Variants in RSBN1L observed in about 807,000 individuals in gnomAD.
The protein encoded by RSBN1L is lysine-specific demethylase RSBN1L.
RSBN1L carries 30 observed loss-of-function variants against 67.7 expected under a neutral mutation model. The observed-to-expected ratio is 0.44, with a 90% CI of 0.33 to 0.60. The LOEUF (loss-of-function observed/expected upper bound fraction) is 0.60, where lower values mean the gene tolerates loss of function less well. Among genes scored for constraint, RSBN1L ranks in the 20% least tolerant of loss-of-function variants. The pLI is 0.02. For missense variants in RSBN1L, 992 were observed against 1,031.7 expected, an observed-to-expected ratio of 0.96 and a Z score of 0.53; for synonymous variants, 433 against 387.0, an observed-to-expected ratio of 1.12 and a Z score of -1.39.
At chr7:77,768,407 T>A (rs892486346) in intron 4 of RSBN1L, 1 of 343,330 alleles carries the variant, frequency 2.9e-6, no homozygotes, top group Non-Finnish European at 5.4e-6. Context: ...ATGATGAATA[T>A]AGTGAATCAT....
intron 1 of RSBN1L, among the ~76,000 whole-genome samples, chr7:77,733,057 G>A (rs1483144241): frequency 6.6e-6 from 1 of 152,178 alleles, no homozygotes; most frequent in Non-Finnish European, 1.5e-5. Context: ...ATTTTGAGGG[G>A]CTGAGGCAGG....
intron 2 of RSBN1L, among the ~76,000 whole-genome samples, chr7:77,738,395 A>C (rs1360202556): frequency 8.5e-5 from 13 of 152,236 alleles, no homozygotes; most frequent in Admixed American, 8.5e-4. Context: ...GTGATGATTA[A>C]GGTAAAAGAA....
intron 2 of RSBN1L, among the ~76,000 whole-genome samples, chr7:77,748,847 ATATG>A (rs746161967): frequency 2.6e-5 from 4 of 152,260 alleles, no homozygotes; most frequent in Admixed American, 6.5e-5. Context: ...AGCATTTGCT[ATATG>A]TCAGAATGGT....
rs750541557 is a variant in RSBN1L at position 77,779,816 on chromosome 7, CTT to C, written c.*661_*662del. Reference sequence around the variant, plus strand: ...ATTTAAGTTCCTCACACTGTGCAGGCTTTTTTTTTTTTTTCTTTTTTTCTTTT... The same window carrying C: ...ATTTAAGTTCCTCACACTGTGCAGGCTTTTTTTTTTTTCTTTTTTTCTTTT... On this transcript the variant is annotated 3_prime_UTR_variant, in exon 8 of 8. Transcript: ENST00000334955. 3.0e-5 allele frequency: 4 copies of C among 132,958 alleles called. No individual in the cohort carries two copies. Among genetic ancestry groups the C allele is most frequent in the Non-Finnish European group, 1.6e-5 (1 of 61,274 alleles). 8.2% of individuals were successfully genotyped at this position (132,958 alleles called of 1,614,324 possible). A position where few individuals can be genotyped will look rare whatever the true frequency, so the allele number is the denominator to read the frequency against.
chr7:77,740,602 T>C (rs1791395631), intron 2 of RSBN1L, among the ~76,000 whole-genome samples: 1 of 152,230 alleles, frequency 6.6e-6, no homozygotes, highest in Non-Finnish European at 1.5e-5. Flanking sequence ...GAGAGAAAGA[T>C]AGATATAAAT....
chr7:77,707,265 C>G (rs1426821921), intron 1 of RSBN1L, among the ~76,000 whole-genome samples: 2 of 152,114 alleles, frequency 1.3e-5, no homozygotes, highest in Non-Finnish European at 2.9e-5. Context: ...CTCAAGTGAT[C>G]CATCTGCCTT....
intron 2 of RSBN1L, among the ~76,000 whole-genome samples, chr7:77,739,251 C>A (rs149697538): frequency 6.6e-6 from 1 of 152,194 alleles, no homozygotes; most frequent in Non-Finnish European, 1.5e-5. Flanking sequence ...CCACTTTTTT[C>A]CTTGTGGCCT....
At chr7:77,731,416 AG>A (rs1390598026) in intron 1 of RSBN1L, among the ~76,000 whole-genome samples, 2 of 152,006 alleles carry the variant, frequency 1.3e-5, no homozygotes, top group African/African-American at 2.4e-5. Context: ...TTGTACTTTT[AG>A]TAGAGACAGG....
intron 2 of RSBN1L, among the ~76,000 whole-genome samples, chr7:77,741,126 A>G (rs1283309650): frequency 6.6e-6 from 1 of 151,172 alleles, no homozygotes; most frequent in East Asian, 2.0e-4. Context: ...AGCTGGAACT[A>G]CAGGCGTGCG....
At chr7:77,739,895 G>A (rs892352593) in intron 2 of RSBN1L, among the ~76,000 whole-genome samples, 6 of 149,580 alleles carry the variant, frequency 4.0e-5, no homozygotes, top group Admixed American at 1.3e-4. Context: ...GATTACAGCC[G>A]CACGCCGCCA....
chr7:77,696,596 A>G lies in RSBN1L; in HGVS notation c.127A>G (p.Lys43Glu). The G allele has an allele frequency of 6.2e-7, 1 of 1,614,014 alleles. No individual in the cohort carries two copies. Among genetic ancestry groups the G allele is most frequent in the Admixed American group, 1.7e-5 (1 of 60,020 alleles). ...GGACCCTCCGGGTTCTCTGTCCGCC[A>G]AGAAGGTCCGGACTGAGGAGAAGAA... ...SRDPPGSLSA[K>E]KVRTEEKKAP... is the part of the protein sequence containing the mutation. Residue 43 changes from lysine (K) to glutamate (E), a missense_variant, in exon 1 of 8, where the codon AAG becomes GAG. Lys to Glu is a moderately conservative substitution (Grantham distance 56, BLOSUM62 1). Coordinates refer to ENST00000334955, the MANE Select transcript of RSBN1L (RefSeq NM_198467.3).
At chr7:77,725,571 T>C (rs1033461264) in intron 1 of RSBN1L, among the ~76,000 whole-genome samples, 19 of 151,254 alleles carry the variant, frequency 1.3e-4, no homozygotes, top group Non-Finnish European at 2.5e-4. Context: ...TTAAGTGTTC[T>C]GTGCATTTAC....
At chr7:77,744,340 G>C (rs1431540841) in intron 2 of RSBN1L, among the ~76,000 whole-genome samples, 3 of 147,242 alleles carry the variant, frequency 2.0e-5, no homozygotes, top group Non-Finnish European at 4.5e-5. Flanking sequence ...CTGGCCTACT[G>C]TTTGACTTTT....
chr7:77,745,896 G>A (rs894428701), intron 2 of RSBN1L, among the ~76,000 whole-genome samples: 11 of 152,132 alleles, frequency 7.2e-5, no homozygotes, highest in African/African-American at 2.7e-4. Context: ...TAAGGAGCAG[G>A]CAACCTAGAT....
intron 6 of RSBN1L, among the ~76,000 whole-genome samples, chr7:77,776,727 CT>C (rs55740842): frequency 0.13 from 19,900 of 151,794 alleles, 1,821 homozygotes; most frequent in Non-Finnish European, 0.2. Flanking sequence ...CCAATTCAGC[CT>C]TCTTCTTATT....
At chr7:77,718,797 T>G (rs1337838245) in intron 1 of RSBN1L, among the ~76,000 whole-genome samples, 1 of 152,240 alleles carries the variant, frequency 6.6e-6, no homozygotes, top group Non-Finnish European at 1.5e-5. Flanking sequence ...ATTTTGTGAA[T>G]CACAAATTCT....
At chr7:77,710,403 C>A (rs1316925992) in intron 1 of RSBN1L, among the ~76,000 whole-genome samples, 15 of 152,220 alleles carry the variant, frequency 9.9e-5, no homozygotes. Context: ...CCTCAGTGCT[C>A]CTCGCCGCCT....
intron 1 of RSBN1L, among the ~76,000 whole-genome samples, chr7:77,723,647 T>G (rs1791152504): frequency 6.6e-6 from 1 of 151,852 alleles, no homozygotes; most frequent in Non-Finnish European, 1.5e-5. Context: ...TTAAAAAGAA[T>G]TTTTTTGGCT....
chr7:77,749,080 C>A (rs1791521080), intron 2 of RSBN1L, among the ~76,000 whole-genome samples: 1 of 152,130 alleles, frequency 6.6e-6, no homozygotes, highest in Non-Finnish European at 1.5e-5. Context: ...ATGGTGAAAC[C>A]TTGTCTCTTC....
Sources: gnomAD v4.1 joint callset for allele counts (sites outside exome capture counted in the v4.1 genomes callset) on GRCh38, gnomAD v4.1.1 for gene constraint, MANE v1.5 for transcripts, NCBI Gene and HGNC (gene_info 2026-07-23, HGNC 2026-07-21) for gene names.